Variants in PIK3C3 observed in about 807,000 individuals in gnomAD.
The protein encoded by PIK3C3 is PI3-kinase type 3.
A neutral mutation model predicts 126.1 loss-of-function variants in PIK3C3; 95 were observed. That is an observed-to-expected ratio of 0.75 (90% confidence interval 0.64 to 0.89). PIK3C3 has a LOEUF of 0.89. Among genes scored for constraint, PIK3C3 ranks in the 40% least tolerant of loss-of-function variants. PIK3C3 has a pLI of 0.00. For synonymous variants in PIK3C3, 374 were observed against 360.0 expected (o/e 1.04, Z -0.44); for missense variants, 829 against 1,063.2 (o/e 0.78, Z 3.06).
chr18:42,037,374 A>G (rs577590854), intron 16 of PIK3C3, among the ~76,000 whole-genome samples: 7 of 152,360 alleles, frequency 4.6e-5, no homozygotes, highest in Admixed American at 3.9e-4. Context: ...AAGAGATGGT[A>G]TCTTATTTTA....
intron 13 of PIK3C3, chr18:42,026,254 T>G (rs1463902164): frequency 6.6e-6 from 1 of 152,202 alleles, no homozygotes; most frequent in Non-Finnish European, 1.5e-5. Context: ...AGCAAGTTGA[T>G]TGAGATTGAT....
At chr18:42,070,586 A>G (rs1043278028) in intron 24 of PIK3C3, 1 of 152,162 alleles carries the variant, frequency 6.6e-6, no homozygotes, top group Non-Finnish European at 1.5e-5. Context: ...CTAGTAATAG[A>G]AGGACTTTGG....
intron 4 of PIK3C3, among the ~76,000 whole-genome samples, chr18:41,972,317 T>G (rs1035177831): frequency 6.6e-6 from 1 of 152,106 alleles, no homozygotes; most frequent in African/African-American, 2.4e-5. Flanking sequence ...CTTCTTAATG[T>G]TTTTGTTAAT....
At chr18:42,030,010 T>C (rs1983754480) in intron 15 of PIK3C3, among the ~76,000 whole-genome samples, 1 of 152,220 alleles carries the variant, frequency 6.6e-6, no homozygotes, top group Non-Finnish European at 1.5e-5. Flanking sequence ...ATTTGTTTAA[T>C]GTCATACAGC....
chr18:42,034,439 C>T (rs958398295), intron 16 of PIK3C3, among the ~76,000 whole-genome samples: 6 of 152,196 alleles, frequency 3.9e-5, no homozygotes, highest in South Asian at 2.1e-4. Flanking sequence ...AGATTGCAAA[C>T]GTATCATGCA....
At position 42,072,709 on chromosome 18, in the gene PIK3C3, AT is replaced by A. The variant is rs199610514; in HGVS notation, c.2649+5203del. On this transcript the variant is annotated intron_variant, in intron 24 of 24. Transcript: ENST00000262039. ...ACCATACCCAGCTAATTTTTAATTT[AT>A]TTTTTTGTAGAGATGAGGTCCGACT... 6.8e-3 allele frequency among the ~76,000 whole-genome samples: 1,035 copies of A among 151,870 alleles called. 11 individuals are homozygous for A. The highest frequency in any genetic ancestry group is 0.024 in the African/African-American group (990 of 41,424).
At chr18:42,053,809 T>C (rs1465063724) in intron 21 of PIK3C3, among the ~76,000 whole-genome samples, 1 of 151,984 alleles carries the variant, frequency 6.6e-6, no homozygotes, top group Non-Finnish European at 1.5e-5. Context: ...GGTATACTTT[T>C]TAATGCAATC....
chr18:42,039,807 T>C (rs1984223208), intron 18 of PIK3C3, among the ~76,000 whole-genome samples: 1 of 152,204 alleles, frequency 6.6e-6, no homozygotes, highest in Non-Finnish European at 1.5e-5. Flanking sequence ...TTAAGATCCA[T>C]GTAGGCAGTG....
At chr18:42,037,919 T>A in intron 17 of PIK3C3, 99 bp downstream of exon 17, 1 of 1,118,624 alleles carries the variant, frequency 8.9e-7, no homozygotes, top group Non-Finnish European at 1.3e-6. Flanking sequence ...TTTGTAACAT[T>A]CAGGTACGAT....
chr18:41,965,342 T>A (rs1980303011), intron 3 of PIK3C3, among the ~76,000 whole-genome samples: 1 of 152,200 alleles, frequency 6.6e-6, no homozygotes. Context: ...CTGACTAGGA[T>A]GTAGTTGTGG....
At chr18:42,010,527 A>G (rs538110199) in intron 10 of PIK3C3, among the ~76,000 whole-genome samples, 22 of 151,916 alleles carry the variant, frequency 1.4e-4, no homozygotes, top group African/African-American at 5.1e-4. Context: ...CACTGCGCCC[A>G]CCTAATTTTT....
chr18:42,068,949 CAAAAAAAAAAAA>C lies in PIK3C3; in HGVS notation c.2649+1444_2649+1455del, dbSNP rs35657662. On this transcript the variant is annotated intron_variant, in intron 24 of 24. Transcript: ENST00000262039. ...TGGGCAACAGAGCGAGACTCCGTCT[CAAAAAAAAAAAA>C]AAAAAAAGAAATAGATATTTAGATT... 2.3e-4 allele frequency among the ~76,000 whole-genome samples: 19 copies of C among 82,246 alleles called. 1 individual carries two copies. The South Asian group carries it at 6.3e-3, about 27-fold the overall frequency. The allele number at this position is 82,246 out of a possible 152,430, so 54.0% of individuals were successfully genotyped here. A position where few individuals can be genotyped will look rare whatever the true frequency, so the allele number is the denominator to read the frequency against.
intron 16 of PIK3C3, among the ~76,000 whole-genome samples, chr18:42,034,512 TCA>T (rs3831471): frequency 0.22 from 34,170 of 152,176 alleles, 4,328 homozygotes; most frequent in South Asian, 0.4. Context: ...TTAACATTTC[TCA>T]GTCTGATATC....
rs924992757 is a variant in PIK3C3, at chr18:42,031,249, C to T, written c.1707+1808C>T. Among the ~76,000 whole-genome samples, 3 of 152,210 alleles carry T rather than the reference C, an allele frequency of 2.0e-5. No individual in the cohort carries two copies. The East Asian group carries it at 5.8e-4, about 29-fold the overall frequency. On this transcript the variant is annotated intron_variant, in intron 15 of 24. Coordinates refer to ENST00000262039, the MANE Select transcript of PIK3C3 (RefSeq NM_002647.4). The stretch of plus-strand genomic sequence containing the variant: ...TAATTTATTTGCGAGAGCTATATCA[C>T]AGTGGGTATAACAGTGTTAGATCTG...
chr18:42,073,260 G>T (rs147573515), intron 24 of PIK3C3, among the ~76,000 whole-genome samples: 1 of 152,198 alleles, frequency 6.6e-6, no homozygotes, highest in African/African-American at 2.4e-5. Flanking sequence ...AAAAGCACAC[G>T]TCTAGGCAGA....
In PIK3C3 at chr18:42,043,853, A is replaced by T. The variant is rs144413269; in HGVS notation, c.2188+36A>T. ...CAGGCTATTACTTTCCATTGATCAGATAAAGAAGAGCAGGCCATCCTGATA... is the reference window on the plus strand; with the variant it reads ...CAGGCTATTACTTTCCATTGATCAGTTAAAGAAGAGCAGGCCATCCTGATA... On this transcript the variant is annotated intron_variant, in intron 20 of 24. Transcript: ENST00000262039. The T allele has an allele frequency of 5.0e-6, 7 of 1,405,770 alleles. No individual in the cohort carries two copies. The African/African-American group carries it at 5.7e-5, about 11-fold the overall frequency. The allele number at this position is 1,405,770 out of a possible 1,614,324, so 87.1% of individuals were successfully genotyped here.
intron 13 of PIK3C3, among the ~76,000 whole-genome samples, chr18:42,024,970 A>AT (rs1366304022): frequency 1.5e-4 from 22 of 151,640 alleles, no homozygotes; most frequent in Middle Eastern, 6.8e-3. Flanking sequence ...TGCCCGGCTA[A>AT]TTTTTTTGTA....
intron 8 of PIK3C3, 152 bp downstream of exon 8, chr18:41,996,146 G>A (rs1982014158): frequency 3.1e-6 from 2 of 640,882 alleles, no homozygotes; most frequent in East Asian, 5.5e-5. Context: ...CAGATCAGCA[G>A]TTCTGTTATC....
chr18:42,028,324 G>C (rs1387149455), intron 14 of PIK3C3, among the ~76,000 whole-genome samples: 1 of 152,146 alleles, frequency 6.6e-6, no homozygotes, highest in African/African-American at 2.4e-5. Flanking sequence ...TCATATTGCA[G>C]ATTCTTTTTA....
Sources: gnomAD v4.1 joint callset for allele counts (sites outside exome capture counted in the v4.1 genomes callset) on GRCh38, gnomAD v4.1.1 for gene constraint, MANE v1.5 for transcripts, NCBI Gene and HGNC (gene_info 2026-07-23, HGNC 2026-07-21) for gene names.